The following SLC6A5 variants were observed in gnomAD, a reference collection of about 807,000 sequenced individuals.
The protein encoded by SLC6A5 is solute carrier family 6 member 5.
Under a neutral mutation model 90.5 loss-of-function variants are expected in SLC6A5, and 58 were observed. That is an observed-to-expected ratio of 0.64 (90% CI 0.52 to 0.80). The LOEUF (loss-of-function observed/expected upper bound fraction) is 0.80. Among genes scored for constraint, SLC6A5 ranks in the 30% least tolerant of loss-of-function variants. The pLI, the probability that SLC6A5 is intolerant of heterozygous loss-of-function variation, is 0.00. For missense variants in SLC6A5, 1,015 were observed against 1,017.6 expected (o/e 1.00, Z 0.03); for synonymous variants, 427 against 401.4 (o/e 1.06, Z -0.76).
rs1756211369 is a variant in SLC6A5 at position 20,626,776 on chromosome 11, G to T, written c.1329G>T (p.Leu443=). The part of the protein sequence containing the change: ...LVILLIRGVT[L]PGAGAGIWYF... ...TCCTCCTCATCCGAGGAGTCACCCT[G>T]CCTGGAGCTGGAGCTGGGATCTGGT... is the stretch of plus-strand genomic sequence containing the variant. The change falls in exon 8 of 16, where the codon CTG becomes CTT. Residue 443 remains leucine (L), a synonymous_variant. Coordinates refer to ENST00000525748, the MANE Select transcript of SLC6A5 (RefSeq NM_004211.5). The T allele has an allele frequency of 1.2e-6, 2 of 1,614,062 alleles. No individual in the cohort carries two copies. The highest frequency in any genetic ancestry group is 1.7e-6 in the Non-Finnish European group (2 of 1,179,922).
intron 9 of SLC6A5, among the ~76,000 whole-genome samples, chr11:20,628,424 G>A (rs978888838): frequency 6.6e-6 from 1 of 152,184 alleles, no homozygotes; most frequent in Non-Finnish European, 1.5e-5. Context: ...GCCTTCAGAT[G>A]GTCTTCCCTC....
chr11:20,600,898 A>C (rs1852457929), intron 1 of SLC6A5, among the ~76,000 whole-genome samples: 1 of 152,112 alleles, frequency 6.6e-6, no homozygotes, highest in South Asian at 2.1e-4. Flanking sequence ...TTCTTAGTTC[A>C]TCCTCCACTA....
At chr11:20,600,384 GAAGA>G in intron 1 of SLC6A5, among the ~76,000 whole-genome samples, 1 of 149,930 alleles carries the variant, frequency 6.7e-6, no homozygotes, top group Non-Finnish European at 1.5e-5. Flanking sequence ...AGAAGAAGAA[GAAGA>G]AGAAGAAGAA....
At chr11:20,612,658 T>C (rs1209735565) in intron 5 of SLC6A5, among the ~76,000 whole-genome samples, 1 of 152,226 alleles carries the variant, frequency 6.6e-6, no homozygotes, top group Non-Finnish European at 1.5e-5. Flanking sequence ...GTTAGGACTA[T>C]AGATGTGCAG....
intron 13 of SLC6A5, among the ~76,000 whole-genome samples, chr11:20,641,310 T>C (rs1853308985): frequency 6.6e-6 from 1 of 152,182 alleles, no homozygotes; most frequent in Non-Finnish European, 1.5e-5. Flanking sequence ...TGGAGTGGTC[T>C]TGATCTGTTT....
Position 20,658,292 on chromosome 11 carries a change from G to C in SLC6A5, c.*3424G>C, listed in dbSNP as rs1414361888. 6.6e-6 allele frequency: 1 copy of C among 152,094 alleles called. No individual in the cohort carries two copies. The highest frequency in any genetic ancestry group is 1.5e-5 in the Non-Finnish European group (1 of 68,030). 9.4% of individuals were successfully genotyped at this position (152,094 alleles called of 1,614,324 possible). On this transcript the variant is annotated 3_prime_UTR_variant, in exon 16 of 16. Coordinates refer to ENST00000525748, the MANE Select transcript of SLC6A5 (RefSeq NM_004211.5). ...TGTAGGTCATTGTCCTCTTCCCAGA[G>C]GCTAGCACAATAACTGTTGCTCAAT...
chr11:20,613,769 C>T (rs1357951410), intron 5 of SLC6A5, among the ~76,000 whole-genome samples: 1 of 151,624 alleles, frequency 6.6e-6, no homozygotes, highest in Non-Finnish European at 1.5e-5. Flanking sequence ...AAGCAATCCT[C>T]CTGCCTCAGC....
At chr11:20,609,711 C>T (rs1852659126) in intron 5 of SLC6A5, among the ~76,000 whole-genome samples, 1 of 152,206 alleles carries the variant, frequency 6.6e-6, no homozygotes, top group Non-Finnish European at 1.5e-5. Flanking sequence ...GGCTGAATGG[C>T]TAGCTATTGT....
At chr11:20,619,752 T>C (rs909152718) in intron 7 of SLC6A5, among the ~76,000 whole-genome samples, 13 of 152,288 alleles carry the variant, frequency 8.5e-5, no homozygotes, top group African/African-American at 3.1e-4. Context: ...AATTCTAAGA[T>C]TATTCTGTTG....
At chr11:20,607,408 C>G in intron 4 of SLC6A5, 71 bp from the exon 5 acceptor site, 2 of 1,565,812 alleles carry the variant, frequency 1.3e-6, no homozygotes, top group Non-Finnish European at 1.8e-6. Context: ...TAGGTCCCCA[C>G]CCTATGCCCA....
At chr11:20,616,960 A>G (rs552809325) in intron 6 of SLC6A5, among the ~76,000 whole-genome samples, 2 of 152,366 alleles carry the variant, frequency 1.3e-5, no homozygotes, top group African/African-American at 4.8e-5. Context: ...GCAGTTTTAC[A>G]GAGGATGTAT....
chr11:20,624,117 G>T (rs1329908298), intron 7 of SLC6A5, among the ~76,000 whole-genome samples: 2 of 150,196 alleles, frequency 1.3e-5, no homozygotes, highest in Non-Finnish European at 3.0e-5. Flanking sequence ...CATTTGAACA[G>T]GTGGAATGAC....
At chr11:20,642,987 T>C (rs551456643) in intron 13 of SLC6A5, among the ~76,000 whole-genome samples, 8 of 152,322 alleles carry the variant, frequency 5.3e-5, no homozygotes, top group African/African-American at 1.2e-4. Context: ...GATCCACCCC[T>C]TCCTACAGCT....
In SLC6A5 at chr11:20,656,603, A is replaced by C. The variant is rs1298090129; in HGVS notation, c.*1735A>C. 1 of 152,218 alleles carries C rather than the reference A, an allele frequency of 6.6e-6. No individual in the cohort carries two copies. Among genetic ancestry groups the C allele is most frequent in the East Asian group, 1.9e-4 (1 of 5,208 alleles). The allele number at this position is 152,218 out of a possible 1,614,324, so 9.4% of individuals were successfully genotyped here. On this transcript the variant is annotated 3_prime_UTR_variant, in exon 16 of 16. Coordinates refer to ENST00000525748, the MANE Select transcript of SLC6A5 (RefSeq NM_004211.5). ...GGGCAAGTATCATCGCCATTTGCCA[A>C]CATCAATATGAACTTCCAGTTTTTA...
At chr11:20,646,703 T>C (rs1853421522) in intron 13 of SLC6A5, 131 bp from the exon 14 acceptor site, 1 of 713,946 alleles carries the variant, frequency 1.4e-6, no homozygotes, top group Admixed American at 2.0e-5. Context: ...ATAATAGAGG[T>C]CATGTTGATA....
chr11:20,635,614 A>G (rs1322387395), intron 10 of SLC6A5, among the ~76,000 whole-genome samples: 1 of 152,172 alleles, frequency 6.6e-6, no homozygotes, highest in Non-Finnish European at 1.5e-5. Context: ...ACAATGACAC[A>G]CGTTTACCTA....
rs755040627 is a variant in SLC6A5, at chr11:20,652,342, C to A, written c.2124C>A (p.Tyr708Ter). Residue 708 changes from tyrosine (Y) to a stop codon, truncating the protein, a stop_gained, in exon 15 of 16, where the codon TAC becomes TAA. Coordinates refer to ENST00000525748, the MANE Select transcript of SLC6A5 (RefSeq NM_004211.5). LOFTEE classifies it high-confidence loss of function. ...GGGAGCCCATGACCTATGGCTCTTA[C>A]CGCTATCCTAACTGGTCCATGGTGC... ...YQWEPMTYGSYRYPNWSMVLG... is the reference protein window; with the variant it reads ...YQWEPMTYGS 3 of 1,614,130 alleles carry A rather than the reference C, an allele frequency of 1.9e-6. No homozygotes were observed. The highest frequency in any genetic ancestry group is 1.3e-5 in the African/African-American group (1 of 75,032).
intron 6 of SLC6A5, among the ~76,000 whole-genome samples, chr11:20,616,873 T>G (rs1852792233): frequency 6.6e-6 from 1 of 152,228 alleles, no homozygotes; most frequent in Non-Finnish European, 1.5e-5. Flanking sequence ...TGGGCCATCA[T>G]TCCTACAGTC....
rs148122419 is a variant in SLC6A5 at position 20,632,307 on chromosome 11, A to G, written c.1624+1492A>G. Among the ~76,000 whole-genome samples the G allele has an allele frequency of 4.3e-3, 659 of 152,318 alleles. 8 individuals are homozygous for G. Among genetic ancestry groups the G allele is most frequent in the Middle Eastern group, 0.014 (4 of 294 alleles). ...TTGGAACCAGTGGCCAACCTGCTAG[A>G]GACTGTGAATCCTGAGATGTGGGCC... On this transcript the variant is annotated intron_variant, in intron 10 of 15. Transcript: ENST00000525748.
Sources: gnomAD v4.1 joint callset for allele counts (sites outside exome capture counted in the v4.1 genomes callset) on GRCh38, gnomAD v4.1.1 for gene constraint, MANE v1.5 for transcripts, NCBI Gene and HGNC (gene_info 2026-07-23, HGNC 2026-07-21) for gene names.